Variants in PXN observed in about 807,000 individuals in gnomAD.
PXN encodes testicular tissue protein Li 134.
A neutral mutation model predicts 103.6 loss-of-function variants in PXN; 61 were observed. The observed-to-expected ratio is 0.59, with a 90% CI of 0.48 to 0.73. PXN has a LOEUF of 0.73. PXN is among the 30% of genes least tolerant of loss of function. The pLI is 0.00. For synonymous variants in PXN, 562 were observed against 607.8 expected, an observed-to-expected ratio of 0.92 and a Z score of 1.11; for missense variants, 1,274 against 1,460.3, an observed-to-expected ratio of 0.87 and a Z score of 2.08.
intron 1 of PXN, among the ~76,000 whole-genome samples, chr12:120,263,900 A>C (rs1427469904): frequency 2.6e-5 from 4 of 152,204 alleles, no homozygotes; most frequent in Non-Finnish European, 5.9e-5. Context: ...GAGAAGCAAC[A>C]GAACTGCACC....
intron 1 of PXN, among the ~76,000 whole-genome samples, chr12:120,239,262 T>C (rs1459706007): frequency 6.6e-6 from 1 of 151,884 alleles, no homozygotes. Context: ...GCCTGGCCAA[T>C]GTGGTGAGAC....
chr12:120,219,325 C>T lies in PXN; in HGVS notation c.1598G>A (p.Arg533Lys). The T allele has an allele frequency of 1.9e-6, 3 of 1,598,428 alleles. No individual in the cohort carries two copies. The highest frequency in any genetic ancestry group is 2.5e-6 in the Non-Finnish European group (3 of 1,179,806). The change falls in exon 7 of 15, where the codon AGG becomes AAG. Residue 533 changes from arginine (R) to lysine (K), a missense_variant. This residue lies in a region of PXN where 1,178 missense variants were observed against 1,309.0 expected (regional missense o/e 0.90). Coordinates refer to ENST00000637617, the MANE Select transcript of PXN (RefSeq NM_001385981.1). This position sits in a 1 kb window ranked among gnomAD's most constrained non-coding sequence, Gnocchi z 6.5. ...AGCTTCCGTGGTGCCCTCTGGGCTC[C>T]TTGGGGTTTCAGGTCCCTGGGTTGG... is the stretch of plus-strand genomic sequence containing the variant. Reference protein sequence around the residue: ...ARPTQGPETPRSPEGTTEAAT... With the variant: ...ARPTQGPETPKSPEGTTEAAT...
chr12:120,218,199 C>T (rs1258164040), intron 7 of PXN, among the ~76,000 whole-genome samples: 3 of 151,912 alleles, frequency 2.0e-5, no homozygotes. Context: ...CATGTGCAAC[C>T]ACGCCCAGCT....
rs1184474762 is a variant in PXN at position 120,212,219 on chromosome 12, G to A, written c.*95C>T. 9.4e-6 allele frequency: 14 copies of A among 1,493,806 alleles called. No homozygotes were observed. Among genetic ancestry groups the A allele is most frequent in the East Asian group, 2.3e-5 (1 of 43,422 alleles). The allele number at this position is 1,493,806 out of a possible 1,614,324, so 92.5% of individuals were successfully genotyped here. A position where few individuals can be genotyped will look rare whatever the true frequency, so the allele number is the denominator to read the frequency against. ...GAGGACAAGGGTTCCAGTTTCAGTCGGGTTTACCCCTTCACCCCCGGGTGA... is the reference window on the plus strand; with the variant it reads ...GAGGACAAGGGTTCCAGTTTCAGTCAGGTTTACCCCTTCACCCCCGGGTGA... On this transcript the variant is annotated 3_prime_UTR_variant, in exon 15 of 15. Coordinates refer to ENST00000637617, the MANE Select transcript of PXN (RefSeq NM_001385981.1). This position sits in a 1 kb window ranked among gnomAD's most constrained non-coding sequence, Gnocchi z 7.2.
In PXN at chr12:120,229,575, C is replaced by T. The variant is rs1037134139; in HGVS notation, c.14-5198G>A. Among the ~76,000 whole-genome samples, 2 of 152,156 alleles carry T rather than the reference C, an allele frequency of 1.3e-5. No homozygotes were observed. The highest frequency in any genetic ancestry group is 2.9e-5 in the Non-Finnish European group (2 of 68,028). Reference sequence around the variant, plus strand: ...TTTTGTGCCTCAGTTTCCTTGTCTGCCCAATAGGAATTCCACCATTTTACT... The same window carrying T: ...TTTTGTGCCTCAGTTTCCTTGTCTGTCCAATAGGAATTCCACCATTTTACT... On this transcript the variant is annotated intron_variant, in intron 1 of 14. Coordinates refer to ENST00000637617, the MANE Select transcript of PXN (RefSeq NM_001385981.1). This position sits in a 1 kb window ranked among gnomAD's most constrained non-coding sequence, Gnocchi z 4.0.
Position 120,223,737 on chromosome 12 carries a change from C to T in PXN, c.337G>A (p.Glu113Lys). 1 of 1,600,828 alleles carries T rather than the reference C, an allele frequency of 6.2e-7. No individual in the cohort carries two copies. The highest frequency in any genetic ancestry group is 2.3e-5 in the East Asian group (1 of 44,230). ...SVGSPCSRVGEEEHVYSFPNK... is the reference protein window; with the variant it reads ...SVGSPCSRVGKEEHVYSFPNK... ...CAGTACCTGTAGACGTGCTCCTCCT[C>T]ACCCACTCGGGAGCACGGAGAGCCA... Residue 113 changes from glutamate to lysine, a missense_variant, in exon 3 of 15, where the codon GAG becomes AAG. Physicochemically the swap from Glu to Lys is moderately conservative, Grantham distance 56 (BLOSUM62 1). Around this residue, in one of 2 missense-constraint regions of PXN, gnomAD observed 1,178 missense variants for 1,309.0 expected, o/e 0.90. Coordinates refer to ENST00000637617, the MANE Select transcript of PXN (RefSeq NM_001385981.1).
rs955408873 is a variant in PXN, at chr12:120,251,474, G to A, written c.13+14143C>T. On this transcript the variant is annotated intron_variant, in intron 1 of 14. Transcript: ENST00000637617. ...GGAGGCTGCAGTGAGCTGAGATCAC[G>A]CCCCTGCACTCCAGCCTGGATGACA... 8.6e-5 allele frequency among the ~76,000 whole-genome samples: 13 copies of A among 151,854 alleles called. No homozygotes were observed. In the East Asian group the frequency reaches 9.7e-4, roughly 11 times the overall value.
intron 1 of PXN, among the ~76,000 whole-genome samples, chr12:120,240,065 T>G (rs1322650032): frequency 6.6e-6 from 1 of 152,152 alleles, no homozygotes; most frequent in Admixed American, 6.5e-5. Context: ...TGCCACTTGC[T>G]AGCATGACAC....
intron 1 of PXN, among the ~76,000 whole-genome samples, chr12:120,248,551 C>T (rs1891598986): frequency 6.7e-6 from 1 of 149,494 alleles, no homozygotes; most frequent in Admixed American, 6.6e-5. Flanking sequence ...CCAGACTGTC[C>T]CCTCTCTTCC....
chr12:120,250,760 G>A (rs1045989362), intron 1 of PXN, among the ~76,000 whole-genome samples: 1 of 152,160 alleles, frequency 6.6e-6, no homozygotes, highest in Non-Finnish European at 1.5e-5. Context: ...ATGGCGCCAT[G>A]AAGAGTCCTA....
At chr12:120,249,382 G>A (rs1467524629) in intron 1 of PXN, among the ~76,000 whole-genome samples, 1 of 152,124 alleles carries the variant, frequency 6.6e-6, no homozygotes, top group East Asian at 1.9e-4. Context: ...AGTGCAGACT[G>A]ATAATACCCA....
At chr12:120,256,326 G>A (rs1017281826) in intron 1 of PXN, among the ~76,000 whole-genome samples, 2 of 151,948 alleles carry the variant, frequency 1.3e-5, no homozygotes, top group Non-Finnish European at 2.9e-5. Flanking sequence ...CAGGAGGATC[G>A]CTTGAGTTGG....
At position 120,222,567 on chromosome 12, in the gene PXN, C is replaced by G. The variant is rs1273178394; in HGVS notation, c.677G>C (p.Ser226Thr). 1 of 1,603,006 alleles carries G rather than the reference C, an allele frequency of 6.2e-7. No homozygotes were observed. Among genetic ancestry groups the G allele is most frequent in the Non-Finnish European group, 8.5e-7 (1 of 1,175,432 alleles). The change falls in exon 5 of 15, where the codon AGC (serine) becomes ACC (threonine). Residue 226 changes from serine (S) to threonine (T), a missense_variant. By Grantham distance (58) the Ser-to-Thr change is moderately conservative. Transcript: ENST00000637617. This position sits in a 1 kb window ranked among gnomAD's most constrained non-coding sequence, Gnocchi z 4.7. ...SVESLLDELE[S>T]SVPSPVPAIT... ...TACTCACACGGGGCTGGGCACGGAG[C>G]TCTCCAGTTCATCCAAGAGACTCTC...
Position 120,223,803 on chromosome 12 carries a change from T to C in PXN, c.271A>G (p.Ser91Gly), listed in dbSNP as rs1312047339. The C allele has an allele frequency of 6.2e-7, 1 of 1,609,260 alleles. No individual in the cohort carries two copies. Among genetic ancestry groups the C allele is most frequent in the African/African-American group, 1.3e-5 (1 of 74,842 alleles). ...TTGGAGACACTGGAAGTTTTGGCAC[T>C]GGAGCCGTACACAGGTGATGAGGAC... Reference protein sequence around the residue: ...PQSSSPVYGSSAKTSSVSNPQ... With the variant: ...PQSSSPVYGSGAKTSSVSNPQ... The change falls in exon 3 of 15, where the codon AGT becomes GGT. Residue 91 changes from serine to glycine, a missense_variant. This residue lies in a region of PXN where 1,178 missense variants were observed against 1,309.0 expected (regional missense o/e 0.90). Transcript: ENST00000637617.
chr12:120,224,111 C>T lies in PXN; in HGVS notation c.240+40G>A. ...CTGCCAGCTAAGTTCCCTCTGTCCC[C>T]CAGCCTCCTTGGCCTTCCCAGCCAC... On this transcript the variant is annotated intron_variant, in intron 2 of 14. Transcript: ENST00000637617. The surrounding 1 kb of genome is among the most constrained non-coding windows in gnomAD (Gnocchi z 5.0). 2 of 1,461,798 alleles carry T rather than the reference C, an allele frequency of 1.4e-6. No homozygotes were observed. Among genetic ancestry groups the T allele is most frequent in the South Asian group, 1.3e-5 (1 of 75,374 alleles). 90.6% of individuals were successfully genotyped at this position (1,461,798 alleles called of 1,614,324 possible). A position where few individuals can be genotyped will look rare whatever the true frequency, so the allele number is the denominator to read the frequency against.
Position 120,213,720 on chromosome 12 carries a change from C to G in PXN, c.2979+122G>C. On this transcript the variant is annotated intron_variant, in intron 14 of 14. Coordinates refer to ENST00000637617, the MANE Select transcript of PXN (RefSeq NM_001385981.1). The surrounding 1 kb of genome is among the most constrained non-coding windows in gnomAD (Gnocchi z 4.2). ...CTGGAGGAAGGAGATCCCCTGCCTG[C>G]TCCCCCAATTAATAACCCCAAATGA... 1 of 1,347,254 alleles carries G rather than the reference C, an allele frequency of 7.4e-7. No individual in the cohort carries two copies. 83.5% of individuals were successfully genotyped at this position (1,347,254 alleles called of 1,614,324 possible).
In PXN at chr12:120,216,023, C is replaced by T. The variant is rs757364400; in HGVS notation, c.2301+250G>A. 1.5e-6 allele frequency: 2 copies of T among 1,338,406 alleles called. No individual in the cohort carries two copies. Among genetic ancestry groups the T allele is most frequent in the South Asian group, 4.4e-5 (2 of 45,808 alleles). 82.9% of individuals were successfully genotyped at this position (1,338,406 alleles called of 1,614,324 possible). On this transcript the variant is annotated intron_variant, in intron 9 of 14. Coordinates refer to ENST00000637617, the MANE Select transcript of PXN (RefSeq NM_001385981.1). The surrounding 1 kb of genome is among the most constrained non-coding windows in gnomAD (Gnocchi z 5.1). ...TCCTCGATGGGAGCCCGGGGCAGTACTGAGGACCAGTCGAGGAAGGAGCAG... is the reference window on the plus strand; with the variant it reads ...TCCTCGATGGGAGCCCGGGGCAGTATTGAGGACCAGTCGAGGAAGGAGCAG...
At position 120,215,050 on chromosome 12, in the gene PXN, C is replaced by T; in HGVS notation, c.2575-52G>A. On this transcript the variant is annotated intron_variant, in intron 11 of 14. Transcript: ENST00000637617. This position sits in a 1 kb window ranked among gnomAD's most constrained non-coding sequence, Gnocchi z 4.9. ...GGGCCAAGGCCAGCCCCGGAGCACCCCCACCCCTGCAGGAGTCCACTGGCC... is the reference window on the plus strand; with the variant it reads ...GGGCCAAGGCCAGCCCCGGAGCACCTCCACCCCTGCAGGAGTCCACTGGCC... 6.2e-7 allele frequency: 1 copy of T among 1,601,662 alleles called. No homozygotes were observed. The highest frequency in any genetic ancestry group is 8.5e-7 in the Non-Finnish European group (1 of 1,174,130).
At chr12:120,250,249 G>C in intron 1 of PXN, 1 of 948,708 alleles carries the variant, frequency 1.1e-6, no homozygotes, top group African/African-American at 1.8e-5. Context: ...AACAGAGGGG[G>C]CAAAGCTCGG....
Sources: allele counts gnomAD v4.1 joint callset (sites outside exome capture counted in the v4.1 genomes callset), GRCh38; gene constraint gnomAD v4.1.1; regional missense constraint gnomAD v4.1.1; non-coding constraint Gnocchi (gnomAD v3.1); transcripts MANE v1.5; gene names NCBI Gene and HGNC (gene_info 2026-07-23, HGNC 2026-07-21).